The following TTC4 variants were observed in gnomAD, a reference collection of about 807,000 sequenced individuals.
The protein encoded by TTC4 is hsp70/Hsp90 co-chaperone CNS1 homolog.
Under a neutral mutation model 51.9 loss-of-function variants are expected in TTC4, and 36 were observed. The ratio of observed to expected loss-of-function variants is 0.69; its 90% CI spans 0.53 to 0.92. TTC4 has a LOEUF of 0.92. Ranked by LOEUF, TTC4 falls within the 40% of genes least tolerant of loss-of-function variation. TTC4 has a pLI of 0.00. For synonymous variants in TTC4, 144 were observed against 164.2 expected (o/e 0.88, Z 0.94); for missense variants, 399 against 454.6 (o/e 0.88, Z 1.11).
intron 5 of TTC4, among the ~76,000 whole-genome samples, chr1:54,723,652 T>C (rs1188874164): frequency 6.6e-6 from 1 of 152,220 alleles, no homozygotes; most frequent in East Asian, 1.9e-4. Context: ...TCTTTGTGCT[T>C]TAGCTACCTC....
intron 5 of TTC4, among the ~76,000 whole-genome samples, chr1:54,727,417 G>A (rs1488721749): frequency 6.6e-6 from 1 of 152,038 alleles, no homozygotes; most frequent in East Asian, 1.9e-4. Context: ...AGAAAACATA[G>A]ATATGAATCT....
At chr1:54,740,350 G>T (rs1645997306) in intron 9 of TTC4, among the ~76,000 whole-genome samples, 1 of 152,162 alleles carries the variant, frequency 6.6e-6, no homozygotes, top group African/African-American at 2.4e-5. Flanking sequence ...TGGCTTGGTA[G>T]GCAGGAAGGA....
intron 9 of TTC4, among the ~76,000 whole-genome samples, chr1:54,739,986 GATC>G (rs1234927538): frequency 6.6e-6 from 1 of 152,210 alleles, no homozygotes; most frequent in Non-Finnish European, 1.5e-5. Context: ...AGAAGTTAGA[GATC>G]ATCCTGAGAA....
At chr1:54,729,038 C>T (rs1438817331) in intron 6 of TTC4, among the ~76,000 whole-genome samples, 1 of 152,148 alleles carries the variant, frequency 6.6e-6, no homozygotes, top group Non-Finnish European at 1.5e-5. Context: ...GAATTGCCAG[C>T]ATCAGTACTC....
At chr1:54,738,838 T>C (rs572270841) in intron 9 of TTC4, among the ~76,000 whole-genome samples, 1 of 151,966 alleles carries the variant, frequency 6.6e-6, no homozygotes, top group East Asian at 1.9e-4. Flanking sequence ...AATTTTTGTA[T>C]TTTTAGTAGA....
At chr1:54,740,949 T>A (rs1257022581) in intron 9 of TTC4, among the ~76,000 whole-genome samples, 1 of 152,094 alleles carries the variant, frequency 6.6e-6, no homozygotes, top group Admixed American at 6.5e-5. Context: ...ATAGAGGGAA[T>A]CGTGCCTCCT....
chr1:54,740,182 C>CA (rs573224095), intron 9 of TTC4, among the ~76,000 whole-genome samples: 2 of 152,080 alleles, frequency 1.3e-5, no homozygotes, highest in African/African-American at 4.8e-5. Context: ...TCCCACTACC[C>CA]AAAAAAATTA....
Position 54,741,872 on chromosome 1 carries a change from A to G in TTC4, c.*359A>G. ...TGATTCTGAACTTTTGTGGAGTTTG[A>G]CACCTTAGAGAAGCTACCCCTCAAA... is the stretch of plus-strand genomic sequence containing the variant. On this transcript the variant is annotated 3_prime_UTR_variant, in exon 10 of 10. Coordinates refer to ENST00000371281, the MANE Select transcript of TTC4 (RefSeq NM_004623.5). 3.7e-6 allele frequency: 1 copy of G among 267,484 alleles called. No homozygotes were observed. The allele number at this position is 267,484 out of a possible 1,614,324, so 16.6% of individuals were successfully genotyped here.
chr1:54,724,455 T>C (rs1024140694), intron 5 of TTC4, among the ~76,000 whole-genome samples: 10 of 151,978 alleles, frequency 6.6e-5, no homozygotes, highest in Admixed American at 2.0e-4. Context: ...ATTTGTAAAT[T>C]TGTAGAGTTG....
intron 6 of TTC4, among the ~76,000 whole-genome samples, chr1:54,730,985 A>G (rs1177904846): frequency 6.6e-6 from 1 of 151,774 alleles, no homozygotes; most frequent in East Asian, 1.9e-4. Context: ...TGGTACTACA[A>G]CTCCACTTCT....
intron 9 of TTC4, among the ~76,000 whole-genome samples, chr1:54,738,260 A>C (rs190280307): frequency 1.3e-5 from 2 of 152,026 alleles, no homozygotes; most frequent in Non-Finnish European, 2.9e-5. Flanking sequence ...TCACGAGAAC[A>C]GCACAGGCAA....
chr1:54,732,046 T>G (rs72909897), intron 7 of TTC4, among the ~76,000 whole-genome samples: 18,027 of 151,916 alleles, frequency 0.12, 1,788 homozygotes, highest in African/African-American at 0.26. Context: ...AAAAAAAATA[T>G]AGAGGCTGGG....
At chr1:54,725,148 A>T (rs1007325173) in intron 5 of TTC4, among the ~76,000 whole-genome samples, 1 of 152,150 alleles carries the variant, frequency 6.6e-6, no homozygotes, top group Non-Finnish European at 1.5e-5. Context: ...CATCTGGTAG[A>T]TCCCTGGAAG....
At chr1:54,740,634 G>A (rs1646000146) in intron 9 of TTC4, among the ~76,000 whole-genome samples, 1 of 152,112 alleles carries the variant, frequency 6.6e-6, no homozygotes, top group African/African-American at 2.4e-5. Flanking sequence ...CCATAGGCAA[G>A]AGCCTACCCA....
chr1:54,722,845 A>G (rs1246003550), intron 5 of TTC4, 46 bp downstream of exon 5: 85 of 1,584,194 alleles, frequency 5.4e-5, no homozygotes, highest in Non-Finnish European at 7.2e-5. Context: ...ATTAGCAGTA[A>G]TTAGCATTCC....
intron 8 of TTC4, chr1:54,737,366 C>G: frequency 2.0e-6 from 1 of 505,934 alleles, no homozygotes; most frequent in South Asian, 2.4e-5. Context: ...CTTCTCTGAG[C>G]CTTGATTCTG....
chr1:54,736,255 A>AGAG (rs752564727), intron 8 of TTC4, among the ~76,000 whole-genome samples: 1 of 120,826 alleles, frequency 8.3e-6, no homozygotes, highest in African/African-American at 4.6e-5. Context: ...AGGAGAGAGG[A>AGAG]GAGAGAGAGA....
intron 8 of TTC4, among the ~76,000 whole-genome samples, chr1:54,736,145 T>C (rs973375485): frequency 8.0e-6 from 1 of 124,962 alleles, no homozygotes; most frequent in Non-Finnish European, 1.6e-5. Flanking sequence ...GTGCCACAGC[T>C]TGGGGGAGAA....
At chr1:54,738,798 G>A (rs555278135) in intron 9 of TTC4, among the ~76,000 whole-genome samples, 8 of 151,884 alleles carry the variant, frequency 5.3e-5, no homozygotes, top group Admixed American at 5.2e-4. Flanking sequence ...GAGTAGCTGG[G>A]ATTACAGGCG....
Sources: gnomAD v4.1 joint callset for allele counts (sites outside exome capture counted in the v4.1 genomes callset) on GRCh38, gnomAD v4.1.1 for gene constraint, MANE v1.5 for transcripts, NCBI Gene and HGNC (gene_info 2026-07-23, HGNC 2026-07-21) for gene names.